MTERF4: variants seen among roughly 807,000 people sequenced by gnomAD.
The protein encoded by MTERF4 is mitochondrial transcription termination factor 4.
MTERF4 carries 17 observed loss-of-function variants against 22.5 expected under a neutral mutation model. That is an observed-to-expected ratio of 0.75 (90% CI 0.52 to 1.13). The LOEUF is 1.13. Among genes scored for constraint, MTERF4 ranks in the 50% most tolerant of loss-of-function variants. The pLI, the probability that MTERF4 is intolerant of heterozygous loss-of-function variation, is 0.00. For missense variants in MTERF4, 420 were observed against 466.8 expected, an observed-to-expected ratio of 0.90 and a Z score of 0.92; for synonymous variants, 165 against 175.3, an observed-to-expected ratio of 0.94 and a Z score of 0.47.
At chr2:241,079,841 A>G (rs1042004411) in intron 4 of MTERF4, among the ~76,000 whole-genome samples, 10 of 152,354 alleles carry the variant, frequency 6.6e-5, no homozygotes, top group African/African-American at 2.4e-4. Flanking sequence ...ATGTTAGGCT[A>G]TACTCAGTGA....
rs908712342 is a variant in MTERF4, at chr2:241,096,824, CTG to C, written c.706-388_706-387del. The C allele has an allele frequency of 5.8e-5, 31 of 534,262 alleles. No homozygotes were observed. Among genetic ancestry groups the C allele is most frequent in the African/African-American group, 5.5e-4 (29 of 52,462 alleles). 33.1% of individuals were successfully genotyped at this position (534,262 alleles called of 1,614,324 possible). A position where few individuals can be genotyped will look rare whatever the true frequency, so the allele number is the denominator to read the frequency against. ...TAATTATTACCAAAAAATCGGACAACTGTTAAAATTACATTTTCAAAATCAAC... is the reference window on the plus strand; with the variant it reads ...TAATTATTACCAAAAAATCGGACAACTTAAAATTACATTTTCAAAATCAAC... On this transcript the variant is annotated intron_variant, in intron 3 of 3. Transcript: ENST00000391980. This position sits in a 1 kb window ranked among gnomAD's most constrained non-coding sequence, Gnocchi z 5.1.
chr2:241,052,838 G>A, the MTERF4 span, among the ~76,000 whole-genome samples: 1 of 147,914 alleles, frequency 6.8e-6, no homozygotes, highest in Non-Finnish European at 1.5e-5. Context: ...GCCGGTGTCA[G>A]GCAGGTGAGA....
chr2:241,053,129 G>C, the MTERF4 span: 1 of 1,600,150 alleles, frequency 6.2e-7, no homozygotes, highest in Non-Finnish European at 8.5e-7. Context: ...AGGACCGTGC[G>C]AGACAGGCTG....
chr2:241,082,739 C>T (rs1399395902), downstream of MTERF4, among the ~76,000 whole-genome samples: 3 of 152,222 alleles, frequency 2.0e-5, no homozygotes, highest in Non-Finnish European at 2.9e-5. Flanking sequence ...ATGAGAATGC[C>T]GGCCCCAGTT....
At chr2:241,069,781 C>T (rs1034312000), downstream of MTERF4, 57 of 980,424 alleles carry the variant, frequency 5.8e-5, no homozygotes, top group African/African-American at 8.1e-4. The surrounding 1 kb of genome is among the most constrained non-coding windows in gnomAD (Gnocchi z 4.9). Flanking sequence ...CACCCCGCCT[C>T]GGCACTGTAC....
downstream of MTERF4, chr2:241,092,183 T>C (rs1250649303): frequency 6.6e-6 from 1 of 152,224 alleles, no homozygotes; most frequent in Non-Finnish European, 1.5e-5. This position sits in a 1 kb window ranked among gnomAD's most constrained non-coding sequence, Gnocchi z 4.6. Context: ...CCTGCTCTGG[T>C]CCTCCAGCGT....
the MTERF4 span, chr2:241,053,399 CAG>C: frequency 7.0e-7 from 1 of 1,431,364 alleles, no homozygotes; most frequent in Non-Finnish European, 9.4e-7. Flanking sequence ...TGGAGGAGCA[CAG>C]GGGCTGCAGG....
At chr2:241,082,947 C>T (rs1267809521), downstream of MTERF4, among the ~76,000 whole-genome samples, 1 of 151,782 alleles carries the variant, frequency 6.6e-6, no homozygotes, top group Non-Finnish European at 1.5e-5. Flanking sequence ...CAACAGATGA[C>T]TTACTGAGTA....
the MTERF4 span, among the ~76,000 whole-genome samples, chr2:241,060,882 A>G: frequency 2.0e-5 from 3 of 152,082 alleles, no homozygotes; most frequent in African/African-American, 7.2e-5. Flanking sequence ...GTGAACTGTG[A>G]TTGCACCGCT....
At chr2:241,058,349 CTT>C in the MTERF4 span, among the ~76,000 whole-genome samples, 2 of 151,620 alleles carry the variant, frequency 1.3e-5, no homozygotes, top group Non-Finnish European at 2.9e-5. Flanking sequence ...AAATTTCAAA[CTT>C]GATTAATTAA....
the MTERF4 span, chr2:241,051,901 G>A: frequency 2.7e-6 from 4 of 1,504,736 alleles, no homozygotes; most frequent in South Asian, 1.3e-5. The surrounding 1 kb of genome is among the most constrained non-coding windows in gnomAD (Gnocchi z 4.7). Flanking sequence ...GGAACGACGG[G>A]CCAGCCCTGA....
chr2:241,097,324 C>T lies in MTERF4; in HGVS notation c.624G>A (p.Thr208=), dbSNP rs745898522. 7 of 1,614,028 alleles carry T rather than the reference C, an allele frequency of 4.3e-6. No individual in the cohort carries two copies. The highest frequency in any genetic ancestry group is 2.2e-5 in the South Asian group (2 of 91,080). Reference sequence around the variant, plus strand: ...GCAAAATCTTGGTGACTTGCTGTACCGTGAAAAGGCACTTCTCCTTGAGAA... The same window carrying T: ...GCAAAATCTTGGTGACTTGCTGTACTGTGAAAAGGCACTTCTCCTTGAGAA... The part of the protein sequence containing the change: ...VRLLKEKCLF[T]VQQVTKILHS... Residue 208 remains threonine, a synonymous_variant, in exon 3 of 4, where the codon ACG becomes ACA. Coordinates refer to ENST00000391980, the MANE Select transcript of MTERF4 (RefSeq NM_182501.4).
In MTERF4 at chr2:241,095,944, T is replaced by A; in HGVS notation, c.*54A>T. Reference sequence around the variant, plus strand: ...AAAGGACCCAAAAGCTTTAAGAGAATGAAAAGCTTCCTTGATATCTCTGGG... The same window carrying A: ...AAAGGACCCAAAAGCTTTAAGAGAAAGAAAAGCTTCCTTGATATCTCTGGG... On this transcript the variant is annotated 3_prime_UTR_variant, in exon 4 of 4. Transcript: ENST00000391980. 6.4e-7 allele frequency: 1 copy of A among 1,558,598 alleles called. No individual in the cohort carries two copies. Among genetic ancestry groups the A allele is most frequent in the Non-Finnish European group, 8.7e-7 (1 of 1,153,914 alleles).
chr2:241,063,526 G>A, the MTERF4 span: 1 of 1,071,388 alleles, frequency 9.3e-7, no homozygotes, highest in Non-Finnish European at 1.4e-6. Context: ...CGGAATCCTG[G>A]GGGCATGTGG....
downstream of MTERF4, chr2:241,082,439 T>C: frequency 1.7e-6 from 2 of 1,158,002 alleles, no homozygotes; most frequent in Non-Finnish European, 2.6e-6. Flanking sequence ...GTCTCAAAGC[T>C]ACCCAGCTAA....
downstream of MTERF4, chr2:241,087,636 T>C (rs2063652066): frequency 3.5e-6 from 5 of 1,437,102 alleles, no homozygotes; most frequent in East Asian, 5.0e-5. Context: ...GCTACGAAAC[T>C]GTATGTCCAT....
In MTERF4 at chr2:241,073,348, C is replaced by A; in HGVS notation, n.2814G>T. 1 of 1,571,752 alleles carries A rather than the reference C, an allele frequency of 6.4e-7. No homozygotes were observed. On this transcript the variant is annotated non_coding_transcript_exon_variant, in exon 5 of 5. Transcript: ENST00000464344. This position sits in a 1 kb window ranked among gnomAD's most constrained non-coding sequence, Gnocchi z 6.6. ...TGGCCCTCCAGCTCCCTGAACACGG[C>A]AGCAAGGACATCGGAAGTGAGTCAG...
the MTERF4 span, chr2:241,050,012 T>C: frequency 2.3e-5 from 24 of 1,039,332 alleles, no homozygotes; most frequent in South Asian, 2.2e-4. Flanking sequence ...TTCTCTGCTG[T>C]CTCTCTCCTT....
chr2:241,062,820 C>G, the MTERF4 span: 8 of 1,611,824 alleles, frequency 5.0e-6, no homozygotes, highest in Admixed American at 8.4e-5. Context: ...TCAGCCGTGC[C>G]TGCATGGGGG....
Sources: gnomAD v4.1 joint callset for allele counts (sites outside exome capture counted in the v4.1 genomes callset) on GRCh38, gnomAD v4.1.1 for gene constraint, Gnocchi (gnomAD v3.1) non-coding constraint, MANE v1.5 for transcripts, NCBI Gene and HGNC (gene_info 2026-07-23, HGNC 2026-07-21) for gene names.